The following KLHDC1 variants were observed in gnomAD, a reference collection of about 807,000 sequenced individuals.
The protein encoded by KLHDC1 is kelch domain containing 1, also known as kelch domain-containing protein 1.
KLHDC1 carries 53 observed loss-of-function variants against 68.3 expected under a neutral mutation model. The observed-to-expected ratio is 0.78, with a 90% CI of 0.62 to 0.98. The LOEUF is 0.98. Ranked by LOEUF, KLHDC1 falls within the 50% of genes least tolerant of loss-of-function variation. The pLI, the probability that KLHDC1 is intolerant of heterozygous loss-of-function variation, is 0.00. For missense variants in KLHDC1, 470 were observed against 492.3 expected (o/e 0.95, Z 0.43); for synonymous variants, 148 against 159.0 (o/e 0.93, Z 0.52).
intron 11 of KLHDC1, among the ~76,000 whole-genome samples, chr14:49,743,093 A>G (rs1889105339): frequency 6.6e-6 from 1 of 150,692 alleles, no homozygotes; most frequent in East Asian, 1.9e-4. Flanking sequence ...AAAAAAAAAA[A>G]AAGGTTTGAA....
intron 4 of KLHDC1, among the ~76,000 whole-genome samples, chr14:49,711,910 CTTTTTTT>C (rs992092493): frequency 0.037 from 2,799 of 76,370 alleles, 25 homozygotes; most frequent in African/African-American, 0.13. Context: ...TTTTCTTTTT[CTTTTTTT>C]TTTTTTTTTT....
chr14:49,724,418 A>C (rs1888614365), intron 5 of KLHDC1, among the ~76,000 whole-genome samples: 1 of 152,150 alleles, frequency 6.6e-6, no homozygotes, highest in South Asian at 2.1e-4. Flanking sequence ...GAAAGAAGTC[A>C]TGAATTACAA....
At chr14:49,699,401 C>A (rs1887837370) in intron 1 of KLHDC1, among the ~76,000 whole-genome samples, 1 of 150,026 alleles carries the variant, frequency 6.7e-6, no homozygotes. Flanking sequence ...AAAAAGAAGC[C>A]ATATGGGTAG....
At chr14:49,710,106 C>T (rs1266270684) in intron 3 of KLHDC1, among the ~76,000 whole-genome samples, 157 bp from the exon 4 acceptor site, 1 of 152,046 alleles carries the variant, frequency 6.6e-6, no homozygotes, top group African/African-American at 2.4e-5. Context: ...ACTCCTAAAA[C>T]AGTCTCATTT....
intron 1 of KLHDC1, among the ~76,000 whole-genome samples, chr14:49,706,156 C>G (rs1324422707): frequency 6.6e-6 from 1 of 152,166 alleles, no homozygotes; most frequent in African/African-American, 2.4e-5. Context: ...TTACCAGCTT[C>G]TGGTAACCAT....
chr14:49,696,632 T>C (rs1015569944), intron 1 of KLHDC1, among the ~76,000 whole-genome samples: 2 of 152,222 alleles, frequency 1.3e-5, no homozygotes, highest in East Asian at 1.9e-4. Context: ...TAAGGGAATG[T>C]TGTGGCTGTA....
At chr14:49,693,323 C>A in intron 1 of KLHDC1, 33 bp downstream of exon 1, 1 of 1,387,508 alleles carries the variant, frequency 7.2e-7, no homozygotes, top group South Asian at 1.5e-5. Context: ...GGTAGACTCG[C>A]GCCGGGAGAC....
chr14:49,710,347 C>T lies in KLHDC1; in HGVS notation c.370C>T (p.Arg124Cys), dbSNP rs142389848. 21 of 1,608,140 alleles carry T rather than the reference C, an allele frequency of 1.3e-5. No individual in the cohort carries two copies. The highest frequency in any genetic ancestry group is 1.5e-5 in the Non-Finnish European group (18 of 1,175,034). Residue 124 changes from arginine to cysteine, a missense_variant, in exon 4 of 13, where the codon CGT becomes TGT. Arg to Cys is a radical substitution (Grantham distance 180). Coordinates refer to ENST00000359332, the MANE Select transcript of KLHDC1 (RefSeq NM_172193.3). ...CTTTGAAGGGCAACCACCTACACCACGTGATAAACTTTCCTGCTGGGTATA... is the reference window on the plus strand; with the variant it reads ...CTTTGAAGGGCAACCACCTACACCATGTGATAAACTTTCCTGCTGGGTATA... ...TDFEGQPPTP[R>C]DKLSCWVYKD...
At chr14:49,737,240 T>C (rs1246063208) in intron 10 of KLHDC1, among the ~76,000 whole-genome samples, 1 of 152,208 alleles carries the variant, frequency 6.6e-6, no homozygotes, top group East Asian at 1.9e-4. Flanking sequence ...TGAAGATTTA[T>C]ATCAATGTAT....
At chr14:49,734,733 A>G (rs1045692598) in intron 10 of KLHDC1, 72 bp downstream of exon 10, 5 of 735,290 alleles carry the variant, frequency 6.8e-6, no homozygotes, top group African/African-American at 1.8e-5. Context: ...TACTGAATTT[A>G]TAGTGTTTGC....
At chr14:49,718,921 C>T (rs899177762) in intron 4 of KLHDC1, among the ~76,000 whole-genome samples, 5 of 150,950 alleles carry the variant, frequency 3.3e-5, no homozygotes, top group East Asian at 1.9e-4. Context: ...GGATTACAGC[C>T]GCCTGCCACT....
intron 4 of KLHDC1, among the ~76,000 whole-genome samples, chr14:49,717,219 A>G (rs1888402142): frequency 6.6e-6 from 1 of 152,314 alleles, no homozygotes; most frequent in Admixed American, 6.5e-5. Flanking sequence ...TCTTTTGAGT[A>G]TATACGTTAA....
intron 1 of KLHDC1, among the ~76,000 whole-genome samples, chr14:49,698,318 C>T (rs960624177): frequency 6.6e-6 from 1 of 151,786 alleles, no homozygotes; most frequent in Non-Finnish European, 1.5e-5. Context: ...ATTCTCCTGC[C>T]TCAACCTCCC....
In KLHDC1 at chr14:49,752,993, A is replaced by G. The variant is rs1454149111; in HGVS notation, c.*1221A>G. On this transcript the variant is annotated 3_prime_UTR_variant, in exon 13 of 13. Coordinates refer to ENST00000359332, the MANE Select transcript of KLHDC1 (RefSeq NM_172193.3). ...AGTTTGTAGTATTTCATTGAATTTT[A>G]GAGAGATATTTCATATATATGTACT... The G allele has an allele frequency of 1.3e-5, 2 of 151,954 alleles. No individual in the cohort carries two copies. Among genetic ancestry groups the G allele is most frequent in the African/African-American group, 2.4e-5 (1 of 41,364 alleles). 9.4% of individuals were successfully genotyped at this position (151,954 alleles called of 1,614,324 possible).
At chr14:49,716,830 A>T (rs1377520855) in intron 4 of KLHDC1, among the ~76,000 whole-genome samples, 1 of 151,988 alleles carries the variant, frequency 6.6e-6, no homozygotes, top group Non-Finnish European at 1.5e-5. Context: ...CTTTTTAATT[A>T]CTCCAAACAG....
At chr14:49,714,193 G>A (rs1162518575) in intron 4 of KLHDC1, among the ~76,000 whole-genome samples, 1 of 151,722 alleles carries the variant, frequency 6.6e-6, no homozygotes, top group East Asian at 1.9e-4. Context: ...TCTAGGCTGG[G>A]CTGGGCGTGG....
chr14:49,710,414 C>A, intron 4 of KLHDC1, 33 bp downstream of exon 4: 1 of 1,081,146 alleles, frequency 9.2e-7, no homozygotes, highest in Non-Finnish European at 1.4e-6. Context: ...TGCATTATGT[C>A]TACCTAAGCA....
intron 12 of KLHDC1, among the ~76,000 whole-genome samples, 178 bp from the exon 13 acceptor site, chr14:49,751,408 A>G (rs1889317370): frequency 6.6e-6 from 1 of 152,184 alleles, no homozygotes. Context: ...GTATCAAAAC[A>G]TCTCATGTAC....
chr14:49,722,577 G>T (rs1888555730), intron 4 of KLHDC1, among the ~76,000 whole-genome samples: 2 of 152,262 alleles, frequency 1.3e-5, no homozygotes, highest in South Asian at 4.1e-4. Flanking sequence ...GCTAATTTGG[G>T]GCCAGGCGCC....
Sources: gnomAD v4.1 joint callset for allele counts (sites outside exome capture counted in the v4.1 genomes callset) on GRCh38, gnomAD v4.1.1 for gene constraint, MANE v1.5 for transcripts, NCBI Gene and HGNC (gene_info 2026-07-23, HGNC 2026-07-21) for gene names.